CCDC88C: variants seen among roughly 807,000 people sequenced by gnomAD.
CCDC88C encodes protein Daple.
A neutral mutation model predicts 198.8 loss-of-function variants in CCDC88C; 131 were observed. The ratio of observed to expected loss-of-function variants is 0.66; its 90% CI spans 0.57 to 0.76. The LOEUF is 0.76. Among genes scored for constraint, CCDC88C ranks in the 30% least tolerant of loss-of-function variants. CCDC88C has a pLI of 0.00. For synonymous variants in CCDC88C, 1,166 were observed against 1,114.7 expected (o/e 1.05, Z -0.92); for missense variants, 2,553 against 2,631.6 (o/e 0.97, Z 0.65).
intron 10 of CCDC88C, among the ~76,000 whole-genome samples, chr14:91,329,691 C>T (rs1294442475): frequency 6.6e-6 from 1 of 152,232 alleles, no homozygotes; most frequent in African/African-American, 2.4e-5. Flanking sequence ...AATCAATTGT[C>T]AGTTTCCTCA....
At chr14:91,363,390 T>G (rs543916299) in intron 3 of CCDC88C, among the ~76,000 whole-genome samples, 1 of 151,902 alleles carries the variant, frequency 6.6e-6, no homozygotes, top group African/African-American at 2.4e-5. Context: ...GGATCACAGG[T>G]GTGAGTCACC....
Position 91,313,698 on chromosome 14 carries a change from G to A in CCDC88C, c.2118C>T (p.Asn706=), listed in dbSNP as rs374280851. 82 of 1,611,068 alleles carry A rather than the reference G, an allele frequency of 5.1e-5. No individual in the cohort carries two copies. Among genetic ancestry groups the A allele is most frequent in the Admixed American group, 1.3e-4 (8 of 59,996 alleles). ...TCTCCACCAGCCTGCGCAGCTCCAG[G>A]TTCTCTGCGTCCAGCTGCTTGTTGT... The part of the protein sequence containing the change: ...ERDNKQLDAE[N]LELRRLVETM... The change falls in exon 15 of 30, where the codon AAC becomes AAT. Residue 706 remains asparagine, a synonymous_variant. Coordinates refer to ENST00000389857, the MANE Select transcript of CCDC88C (RefSeq NM_001080414.4). This position sits in a 1 kb window ranked among gnomAD's most constrained non-coding sequence, Gnocchi z 5.2.
chr14:91,276,525 A>G (rs1889972810), intron 29 of CCDC88C, among the ~76,000 whole-genome samples: 1 of 152,260 alleles, frequency 6.6e-6, no homozygotes, highest in Non-Finnish European at 1.5e-5. Flanking sequence ...TTGCTTTCCA[A>G]GAGCAGGCAC....
At chr14:91,298,104 C>T (rs1442779164) in intron 21 of CCDC88C, among the ~76,000 whole-genome samples, 6 of 152,218 alleles carry the variant, frequency 3.9e-5, no homozygotes, top group Admixed American at 1.3e-4. Flanking sequence ...TGGACATAGA[C>T]GTGTCTTATT....
chr14:91,389,377 A>G (rs998621091), intron 3 of CCDC88C, among the ~76,000 whole-genome samples: 5 of 152,294 alleles, frequency 3.3e-5, no homozygotes, highest in African/African-American at 1.2e-4. Context: ...TGTGATTCCA[A>G]GTTCAAAGTC....
chr14:91,356,031 A>G (rs1001559980), intron 4 of CCDC88C, among the ~76,000 whole-genome samples: 2 of 152,178 alleles, frequency 1.3e-5, no homozygotes, highest in Admixed American at 6.5e-5. Context: ...ACGGGGATAG[A>G]TTTAGTCAAA....
At chr14:91,390,148 G>T (rs1885415674) in intron 3 of CCDC88C, among the ~76,000 whole-genome samples, 2 of 151,934 alleles carry the variant, frequency 1.3e-5, no homozygotes, top group African/African-American at 4.8e-5. Flanking sequence ...TGCTCAATGA[G>T]CCATGGTTAC....
intron 3 of CCDC88C, among the ~76,000 whole-genome samples, chr14:91,369,986 G>A (rs2139925251): frequency 6.6e-6 from 1 of 152,330 alleles, no homozygotes; most frequent in South Asian, 2.1e-4. Flanking sequence ...CCTTGTGGCT[G>A]CATTCACAGA....
At chr14:91,277,130 C>T (rs528857515) in intron 29 of CCDC88C, among the ~76,000 whole-genome samples, 51 of 152,118 alleles carry the variant, frequency 3.4e-4, no homozygotes, top group Non-Finnish European at 4.9e-4. Flanking sequence ...CCACAAGGCC[C>T]GGCTAATTTT....
intron 2 of CCDC88C, among the ~76,000 whole-genome samples, chr14:91,409,187 G>GT (rs11290091): frequency 2.8e-4 from 41 of 146,818 alleles, no homozygotes; most frequent in African/African-American, 5.0e-4. Flanking sequence ...AAAAATGGTA[G>GT]TTTTTTTTTT....
At chr14:91,326,614 G>C (rs1412357861) in intron 10 of CCDC88C, among the ~76,000 whole-genome samples, 2 of 152,196 alleles carry the variant, frequency 1.3e-5, no homozygotes, top group Non-Finnish European at 2.9e-5. Flanking sequence ...CCAAGGCTTT[G>C]ACATGCCTAA....
chr14:91,326,161 C>T lies in CCDC88C; in HGVS notation c.1051-105G>A, dbSNP rs1229951497. 5 of 1,023,278 alleles carry T rather than the reference C, an allele frequency of 4.9e-6. No homozygotes were observed. The East Asian group carries it at 1.3e-4, about 27-fold the overall frequency. 63.4% of individuals were successfully genotyped at this position (1,023,278 alleles called of 1,614,324 possible). On this transcript the variant is annotated intron_variant, in intron 10 of 29. Transcript: ENST00000389857. Reference sequence around the variant, plus strand: ...TTTCAGGCATCTGGACCCAAGCAAACAATCTAGAGGGAAGTCCGAGGCAGG... The same window carrying T: ...TTTCAGGCATCTGGACCCAAGCAAATAATCTAGAGGGAAGTCCGAGGCAGG...
chr14:91,287,206 T>A (rs1480200956), intron 25 of CCDC88C, among the ~76,000 whole-genome samples: 1 of 152,170 alleles, frequency 6.6e-6, no homozygotes, highest in Non-Finnish European at 1.5e-5. Flanking sequence ...ACAGAACCCC[T>A]CTAGCTTAAA....
Position 91,313,813 on chromosome 14 carries a change from C to G in CCDC88C, c.2003G>C (p.Ser668Thr). 6.2e-7 allele frequency: 1 copy of G among 1,604,680 alleles called. No individual in the cohort carries two copies. Among genetic ancestry groups the G allele is most frequent in the Non-Finnish European group, 8.5e-7 (1 of 1,178,092 alleles). The stretch of plus-strand genomic sequence containing the variant: ...CCGGTTCTCCAGCTGCAGGCCCTGG[C>G]TCTCATGCTCCAGGGCCTCGACTTT... ...TEKVEALEHE[S>T]QGLQLENRTL... The change falls in exon 15 of 30, where the codon AGC (serine) becomes ACC (threonine). Residue 668 changes from serine to threonine, a missense_variant. Coordinates refer to ENST00000389857, the MANE Select transcript of CCDC88C (RefSeq NM_001080414.4). This position sits in a 1 kb window ranked among gnomAD's most constrained non-coding sequence, Gnocchi z 5.2.
chr14:91,312,250 G>A (rs1024983457), intron 15 of CCDC88C, among the ~76,000 whole-genome samples: 7 of 152,144 alleles, frequency 4.6e-5, no homozygotes, highest in South Asian at 4.1e-4. Context: ...TTAGCGAGGC[G>A]TGATGGTGCG....
At chr14:91,310,014 T>C (rs973792461) in intron 15 of CCDC88C, 28 bp from the exon 16 acceptor site, 2 of 1,553,580 alleles carry the variant, frequency 1.3e-6, no homozygotes, top group African/African-American at 1.4e-5. Flanking sequence ...GAGCACTGGA[T>C]AGGAGCTCAG....
chr14:91,342,409 G>A lies in CCDC88C; in HGVS notation c.454C>T (p.Gln152Ter). ...ERIKQLDIETQAGIVAHIQEV... is the reference protein window; with the variant it reads ...ERIKQLDIET ...TGGATATGGGCCACGATGCCAGCCT[G>A]GGTCTCAATGTCCAGCTGTTTGATT... The change falls in exon 6 of 30, where the codon CAG becomes TAG. Residue 152 changes from glutamine (Q) to a stop codon, truncating the protein, a stop_gained. Coordinates refer to ENST00000389857, the MANE Select transcript of CCDC88C (RefSeq NM_001080414.4). LOFTEE classifies it high-confidence loss of function. 3 of 1,596,788 alleles carry A rather than the reference G, an allele frequency of 1.9e-6. No individual in the cohort carries two copies. The highest frequency in any genetic ancestry group is 2.6e-6 in the Non-Finnish European group (3 of 1,171,556).
intron 13 of CCDC88C, among the ~76,000 whole-genome samples, chr14:91,318,344 AG>A (rs983490058): frequency 1.3e-5 from 2 of 151,894 alleles, no homozygotes; most frequent in African/African-American, 4.8e-5. Context: ...TGAGCTCTGG[AG>A]GTCAAATCTG....
intron 26 of CCDC88C, among the ~76,000 whole-genome samples, chr14:91,282,047 T>C (rs1449570846): frequency 6.6e-6 from 1 of 152,202 alleles, no homozygotes; most frequent in East Asian, 1.9e-4. Context: ...CATCAAGCAT[T>C]TGGCCTTTCC....
Sources: gnomAD v4.1 joint callset for allele counts (sites outside exome capture counted in the v4.1 genomes callset) on GRCh38, gnomAD v4.1.1 for gene constraint, Gnocchi (gnomAD v3.1) non-coding constraint, MANE v1.5 for transcripts, NCBI Gene and HGNC (gene_info 2026-07-23, HGNC 2026-07-21) for gene names.